The following SAXO1 variants were observed in gnomAD, a reference collection of about 807,000 sequenced individuals.
SAXO1 encodes the protein 4930500O09Rik.
A neutral mutation model predicts 17.5 loss-of-function variants in SAXO1; 21 were observed. The observed-to-expected ratio is 1.20, with a 90% CI of 0.85 to 1.72. SAXO1 has a LOEUF of 1.72. Among genes scored for constraint, SAXO1 ranks in the 40% most tolerant of loss-of-function variants. The pLI, the probability that SAXO1 is intolerant of heterozygous loss-of-function variation, is 0.00. For synonymous variants in SAXO1, 274 were observed against 216.5 expected (o/e 1.27, Z -2.33); for missense variants, 843 against 596.0 (o/e 1.41, Z -4.32).
In SAXO1 at chr9:18,950,933, G is replaced by A. The variant is rs762720753; in HGVS notation, c.43C>T (p.His15Tyr). ...CICELCSCGR[H>Y]HCPHLPTKIY... Reference sequence around the variant, plus strand: ...TTGGTAGGGAGATGTGGACAGTGATGCCGCCTATAAAAGACACAGAGTTAG... The same window carrying A: ...TTGGTAGGGAGATGTGGACAGTGATACCGCCTATAAAAGACACAGAGTTAG... Residue 15 changes from histidine (H) to tyrosine (Y), a missense_variant, in exon 2 of 4, where the codon CAT (histidine) becomes TAT (tyrosine). By Grantham distance (83) the His-to-Tyr change is moderately conservative. Transcript: ENST00000380534. The A allele has an allele frequency of 2.5e-6, 4 of 1,610,988 alleles. No homozygotes were observed. In the South Asian group the frequency reaches 4.4e-5, roughly 18 times the overall value.
intron 1 of SAXO1, among the ~76,000 whole-genome samples, chr9:19,024,916 C>G (rs1039794102): frequency 6.6e-6 from 1 of 152,124 alleles, no homozygotes; most frequent in Admixed American, 6.5e-5. Flanking sequence ...AGAACAGAAT[C>G]AGAACATGTT....
chr9:18,956,102 C>A (rs1832247142), intron 1 of SAXO1, among the ~76,000 whole-genome samples: 2 of 137,246 alleles, frequency 1.5e-5, no homozygotes, highest in South Asian at 5.0e-4. Flanking sequence ...CACTGCACAA[C>A]CTGGCTAATT....
At position 18,928,807 on chromosome 9, in the gene SAXO1, C is replaced by T. The variant is rs769392520; in HGVS notation, c.670G>A (p.Ala224Thr). ...ATTTCACAGGGCCTGAACTTCTCTGCTTCATGCACAAAGCGCTTCTCCACG... is the reference window on the plus strand; with the variant it reads ...ATTTCACAGGGCCTGAACTTCTCTGTTTCATGCACAAAGCGCTTCTCCACG... ...HPVEKRFVHE[A>T]EKFRPCEIPF... Residue 224 changes from alanine (A) to threonine (T), a missense_variant, in exon 4 of 4, where the codon GCA becomes ACA. Physicochemically the swap from Ala to Thr is moderately conservative, Grantham distance 58. Coordinates refer to ENST00000380534, the MANE Select transcript of SAXO1 (RefSeq NM_153707.4). 3 of 1,614,052 alleles carry T rather than the reference C, an allele frequency of 1.9e-6. No homozygotes were observed. The highest frequency in any genetic ancestry group is 2.2e-5 in the East Asian group (1 of 44,882).
At chr9:18,983,049 C>A (rs1312833127) in intron 1 of SAXO1, among the ~76,000 whole-genome samples, 1 of 151,610 alleles carries the variant, frequency 6.6e-6, no homozygotes, top group African/African-American at 2.4e-5. Context: ...CCAGACGGAC[C>A]ATTAGCAGAG....
At chr9:19,034,886 G>T (rs139639715), upstream of SAXO1, among the ~76,000 whole-genome samples, 56 of 152,306 alleles carry the variant, frequency 3.7e-4, no homozygotes, top group East Asian at 0.01. Flanking sequence ...AAATCTTTCA[G>T]CAGAAGAATG....
intron 1 of SAXO1, among the ~76,000 whole-genome samples, chr9:18,968,558 TAG>T (rs1832820545): frequency 6.6e-6 from 1 of 151,828 alleles, no homozygotes; most frequent in African/African-American, 2.4e-5. Context: ...TTTGATGCGA[TAG>T]ATAGTGGCAT....
chr9:19,017,611 C>T (rs1018043100), intron 1 of SAXO1, among the ~76,000 whole-genome samples: 6 of 152,178 alleles, frequency 3.9e-5, no homozygotes, highest in African/African-American at 9.7e-5. Flanking sequence ...TCCAACCTTG[C>T]CTCTCCACAC....
At chr9:19,027,546 G>C (rs571536299) in intron 1 of SAXO1, 1 of 1,132,516 alleles carries the variant, frequency 8.8e-7, no homozygotes, top group East Asian at 2.3e-5. Context: ...CTCCTGGCCT[G>C]GGCCTGTAGG....
chr9:19,017,687 A>C (rs773675500), intron 1 of SAXO1, among the ~76,000 whole-genome samples: 3 of 152,266 alleles, frequency 2.0e-5, no homozygotes, highest in Non-Finnish European at 4.4e-5. Context: ...ACTTCAACCA[A>C]GAATCCTGAA....
chr9:18,939,009 G>C (rs1010042504), intron 3 of SAXO1, among the ~76,000 whole-genome samples: 4 of 151,886 alleles, frequency 2.6e-5, no homozygotes, highest in African/African-American at 9.7e-5. Flanking sequence ...CCTAGGGCAA[G>C]GTGGAAGAGA....
chr9:18,974,308 T>C (rs113970305), intron 1 of SAXO1, among the ~76,000 whole-genome samples: 132 of 152,352 alleles, frequency 8.7e-4, no homozygotes, highest in African/African-American at 2.9e-3. Context: ...GTTTTTAATA[T>C]ACATGCAGAG....
At chr9:18,982,691 T>A (rs1430273534) in intron 1 of SAXO1, among the ~76,000 whole-genome samples, 2 of 152,212 alleles carry the variant, frequency 1.3e-5, no homozygotes, top group African/African-American at 4.8e-5. Context: ...TACCAAAGCA[T>A]TACATTCACC....
chr9:18,968,618 A>C (rs373854699), intron 1 of SAXO1, among the ~76,000 whole-genome samples: 9 of 147,978 alleles, frequency 6.1e-5, no homozygotes, highest in African/African-American at 2.3e-4. Context: ...TTTGAGACGC[A>C]GTTTCACTCT....
At chr9:19,018,356 T>A (rs1184082814) in intron 1 of SAXO1, among the ~76,000 whole-genome samples, 3 of 152,170 alleles carry the variant, frequency 2.0e-5, no homozygotes. Flanking sequence ...TTCATGTAAG[T>A]GTCAGAATTT....
At chr9:18,956,110 A>ACT (rs1554670629) in intron 1 of SAXO1, among the ~76,000 whole-genome samples, 57 of 128,656 alleles carry the variant, frequency 4.4e-4, no homozygotes, top group Middle Eastern at 4.1e-3. Context: ...AACCTGGCTA[A>ACT]TTTTTTTTTT....
chr9:18,941,028 T>C (rs1395602644), intron 3 of SAXO1, among the ~76,000 whole-genome samples: 3 of 152,240 alleles, frequency 2.0e-5, no homozygotes, highest in Non-Finnish European at 2.9e-5. Flanking sequence ...TATATGGATT[T>C]GTTCAGTGCA....
intron 1 of SAXO1, among the ~76,000 whole-genome samples, chr9:19,005,497 C>T (rs1834447870): frequency 6.6e-6 from 1 of 152,078 alleles, no homozygotes; most frequent in South Asian, 2.1e-4. Flanking sequence ...AGTGAGTTTT[C>T]AACAAAGGTA....
intron 1 of SAXO1, among the ~76,000 whole-genome samples, chr9:18,951,319 G>A (rs1832031681): frequency 6.6e-6 from 1 of 152,064 alleles, no homozygotes; most frequent in East Asian, 1.9e-4. Flanking sequence ...AGGAATTCAG[G>A]GCTTACTACT....
At chr9:18,969,866 T>G (rs1407576856) in intron 1 of SAXO1, among the ~76,000 whole-genome samples, 1 of 152,252 alleles carries the variant, frequency 6.6e-6, no homozygotes, top group Non-Finnish European at 1.5e-5. Flanking sequence ...GCAAGGCCAA[T>G]GGGGTTAAGA....
Sources: gnomAD v4.1 joint callset for allele counts (sites outside exome capture counted in the v4.1 genomes callset) on GRCh38, gnomAD v4.1.1 for gene constraint, MANE v1.5 for transcripts, NCBI Gene and HGNC (gene_info 2026-07-23, HGNC 2026-07-21) for gene names.